The following POGLUT2 variants were observed in gnomAD, a reference collection of about 807,000 sequenced individuals.
POGLUT2 encodes the protein ER protein 58.
POGLUT2 carries 47 observed loss-of-function variants against 57.6 expected under a neutral mutation model. That is an observed-to-expected ratio of 0.82 (90% CI 0.65 to 1.04). The LOEUF (loss-of-function observed/expected upper bound fraction) is 1.04. Ranked by LOEUF, POGLUT2 falls within the 50% of genes least tolerant of loss-of-function variation. The pLI is 0.00. For synonymous variants in POGLUT2, 200 were observed against 218.8 expected (o/e 0.91, Z 0.76); for missense variants, 565 against 614.8 (o/e 0.92, Z 0.86).
At chr13:102,787,026 CTGAT>C (rs761778741) in intron 8 of POGLUT2, among the ~76,000 whole-genome samples, 134 of 151,880 alleles carry the variant, frequency 8.8e-4, no homozygotes, top group Non-Finnish European at 1.6e-3. Context: ...TGTTTACTAC[CTGAT>C]TTTGTTTTTT....
rs202189716 is a variant in POGLUT2, at chr13:102,790,886, C to T, written c.1083+15G>A. The T allele has an allele frequency of 2.7e-6, 4 of 1,483,848 alleles. No homozygotes were observed. In the East Asian group the frequency reaches 9.0e-5, roughly 34 times the overall value. 91.9% of individuals were successfully genotyped at this position (1,483,848 alleles called of 1,614,324 possible). ...TTAGAAAAACAAAAAAGATTAGCTA[C>T]TGATTAAGTCATACCTTGAAGAAAT... On this transcript the variant is annotated intron_variant, in intron 6 of 9. Transcript: ENST00000376004.
At chr13:102,796,615 T>C (rs1253583121) in intron 2 of POGLUT2, among the ~76,000 whole-genome samples, 189 bp downstream of exon 2, 1 of 149,828 alleles carries the variant, frequency 6.7e-6, no homozygotes, top group African/African-American at 2.4e-5. Context: ...GTTCAAATCT[T>C]GAATGTCTTT....
intron 2 of POGLUT2, among the ~76,000 whole-genome samples, chr13:102,795,249 T>C (rs1349088134): frequency 4.3e-5 from 3 of 69,454 alleles, no homozygotes; most frequent in African/African-American, 1.5e-4. Flanking sequence ...AGACATCGTC[T>C]CAAAAAAAAA....
At chr13:102,787,008 C>T (rs776833786) in intron 8 of POGLUT2, among the ~76,000 whole-genome samples, 2 of 151,848 alleles carry the variant, frequency 1.3e-5, no homozygotes, top group Non-Finnish European at 2.9e-5. Context: ...TGTTATTAGC[C>T]AAGAACTTGT....
rs758412994 is a variant in POGLUT2 at position 102,798,678 on chromosome 13, A to T, written c.-8T>A. On this transcript the variant is annotated 5_prime_UTR_variant, in exon 1 of 10. Coordinates refer to ENST00000376004, the MANE Select transcript of POGLUT2 (RefSeq NM_024089.3). ...TAGCAAAGTGCCAAACATTTACAAG[A>T]CGGACTCTCGAAATGATCCACCGAT... is the stretch of plus-strand genomic sequence containing the variant. 1 of 1,577,968 alleles carries T rather than the reference A, an allele frequency of 6.3e-7. No homozygotes were observed. The highest frequency in any genetic ancestry group is 8.6e-7 in the Non-Finnish European group (1 of 1,159,936).
At chr13:102,790,302 TC>T (rs771296820) in intron 6 of POGLUT2, among the ~76,000 whole-genome samples, 1 of 152,192 alleles carries the variant, frequency 6.6e-6, no homozygotes, top group Non-Finnish European at 1.5e-5. Context: ...ATGACCTTTT[TC>T]CCACCTCTCT....
chr13:102,789,332 CA>C (rs1456332391), intron 6 of POGLUT2, 111 bp from the exon 7 acceptor site: 4 of 841,990 alleles, frequency 4.8e-6, no homozygotes, highest in Middle Eastern at 3.3e-4. Context: ...ACAATTTGGT[CA>C]GCTTCCACGC....
intron 4 of POGLUT2, among the ~76,000 whole-genome samples, chr13:102,792,615 A>G (rs1878222637): frequency 6.6e-6 from 1 of 152,200 alleles, no homozygotes. Context: ...CTGTGTCCTT[A>G]TAAGAAGAGA....
intron 9 of POGLUT2, among the ~76,000 whole-genome samples, chr13:102,785,017 T>A (rs890006403): frequency 6.6e-6 from 1 of 152,204 alleles, no homozygotes; most frequent in African/African-American, 2.4e-5. Context: ...TCTTGTTTTA[T>A]CATTGGTTTT....
At chr13:102,793,456 G>A (rs2139096804) in intron 3 of POGLUT2, 38 bp from the exon 4 acceptor site, 2 of 1,366,766 alleles carry the variant, frequency 1.5e-6, no homozygotes, top group Non-Finnish European at 2.1e-6. Flanking sequence ...TTAGTCTAAA[G>A]ACGCTGGCAG....
Position 102,798,652 on chromosome 13 carries a change from G to C in POGLUT2, c.19C>G (p.Leu7Val), listed in dbSNP as rs1878545623. Residue 7 changes from leucine to valine, a missense_variant, in exon 1 of 10, where the codon CTT becomes GTT. By Grantham distance (32) the Leu-to-Val change is conservative (BLOSUM62 1). Coordinates refer to ENST00000376004, the MANE Select transcript of POGLUT2 (RefSeq NM_024089.3). MFGTLL[L>V]YCFFLATVPA... The stretch of plus-strand genomic sequence containing the variant: ...ACTGTCGCCAGAAAGAAGCAATAAA[G>C]TAGCAAAGTGCCAAACATTTACAAG... The C allele has an allele frequency of 1.2e-5, 20 of 1,601,642 alleles. No homozygotes were observed. Among genetic ancestry groups the C allele is most frequent in the Non-Finnish European group, 1.7e-5 (20 of 1,174,370 alleles).
intron 6 of POGLUT2, 75 bp from the exon 7 acceptor site, chr13:102,789,296 C>T (rs1878079566): frequency 8.0e-7 from 1 of 1,248,300 alleles, no homozygotes; most frequent in African/African-American, 1.5e-5. Context: ...TCCCATCCCA[C>T]ACATAAACCT....
chr13:102,789,496 G>A (rs1482242856), intron 6 of POGLUT2, among the ~76,000 whole-genome samples: 2 of 152,200 alleles, frequency 1.3e-5, no homozygotes, highest in South Asian at 2.1e-4. Context: ...TGCAACATAA[G>A]GAAGGATGGA....
rs1376770455 is a variant in POGLUT2 at position 102,784,477 on chromosome 13, T to C, written c.*18A>G. The C allele has an allele frequency of 5.4e-6, 8 of 1,491,358 alleles. No homozygotes were observed. Among genetic ancestry groups the C allele is most frequent in the South Asian group, 4.6e-5 (4 of 87,228 alleles). 92.4% of individuals were successfully genotyped at this position (1,491,358 alleles called of 1,614,324 possible). A position where few individuals can be genotyped will look rare whatever the true frequency, so the allele number is the denominator to read the frequency against. On this transcript the variant is annotated 3_prime_UTR_variant, in exon 10 of 10. Transcript: ENST00000376004. ...AGTCTTCAGAGCACCATTATTCTAA[T>C]AGAAGTTATTTTGCATATCAGAGTT...
chr13:102,787,477 AACAC>A (rs1877994286), intron 8 of POGLUT2, among the ~76,000 whole-genome samples: 1 of 152,242 alleles, frequency 6.6e-6, no homozygotes, highest in Admixed American at 6.5e-5. Flanking sequence ...AAGAGGCCCA[AACAC>A]ACCTGGCACT....
intron 2 of POGLUT2, among the ~76,000 whole-genome samples, chr13:102,795,793 A>G (rs1878353760): frequency 1.3e-5 from 2 of 151,534 alleles, no homozygotes; most frequent in South Asian, 4.2e-4. Context: ...GAACCTAGAC[A>G]CTCTTGAAAA....
chr13:102,787,798 A>T (rs777993673), intron 8 of POGLUT2, 36 bp downstream of exon 8: 3 of 1,173,086 alleles, frequency 2.6e-6, no homozygotes, highest in Admixed American at 2.0e-5. Context: ...ATGTCTACTT[A>T]TAAGTTACGT....
intron 7 of POGLUT2, 66 bp from the exon 8 acceptor site, chr13:102,787,989 C>T: frequency 2.1e-6 from 2 of 933,254 alleles, no homozygotes; most frequent in Admixed American, 3.9e-5. Context: ...CATCTGCAAA[C>T]TGCTCTTCAG....
chr13:102,791,527 C>A, intron 4 of POGLUT2, 97 bp from the exon 5 acceptor site: 1 of 1,113,898 alleles, frequency 9.0e-7, no homozygotes, highest in Non-Finnish European at 1.3e-6. Context: ...AATGAAAGGC[C>A]AATGTTACAT....
Sources: gnomAD v4.1 joint callset for allele counts (sites outside exome capture counted in the v4.1 genomes callset) on GRCh38, gnomAD v4.1.1 for gene constraint, MANE v1.5 for transcripts, NCBI Gene and HGNC (gene_info 2026-07-23, HGNC 2026-07-21) for gene names.